DKK2: variants seen among roughly 807,000 people sequenced by gnomAD.
DKK2 encodes the protein dickkopf-related protein 2.
Under a neutral mutation model 28.1 loss-of-function variants are expected in DKK2, and 11 were observed. The observed-to-expected ratio is 0.39, with a 90% CI of 0.25 to 0.65. The LOEUF (loss-of-function observed/expected upper bound fraction) is 0.65, where lower values mean the gene tolerates loss of function less well. Among genes scored for constraint, DKK2 ranks in the 30% least tolerant of loss-of-function variants. The pLI is 0.47. For synonymous variants in DKK2, 135 were observed against 126.5 expected, an observed-to-expected ratio of 1.07 and a Z score of -0.45; for missense variants, 326 against 335.5, an observed-to-expected ratio of 0.97 and a Z score of 0.22.
At chr4:106,967,954 CAAA>C (rs1560582385) in intron 1 of DKK2, among the ~76,000 whole-genome samples, 1 of 144,618 alleles carries the variant, frequency 6.9e-6, no homozygotes, top group Non-Finnish European at 1.5e-5. Flanking sequence ...AGAGAGAAAA[CAAA>C]GAAAGAAAGG....
At chr4:106,962,383 A>G (rs1722698492) in intron 1 of DKK2, among the ~76,000 whole-genome samples, 1 of 152,146 alleles carries the variant, frequency 6.6e-6, no homozygotes, top group South Asian at 2.1e-4. Flanking sequence ...AGAATAGAGA[A>G]TACAGAAATA....
At chr4:106,966,496 A>G (rs1423919193) in intron 1 of DKK2, among the ~76,000 whole-genome samples, 2 of 152,146 alleles carry the variant, frequency 1.3e-5, no homozygotes, top group Admixed American at 1.3e-4. Flanking sequence ...TTTTATTTAA[A>G]TCTCATGTGT....
chr4:106,947,692 A>G (rs1235223289), intron 1 of DKK2, among the ~76,000 whole-genome samples: 1 of 133,530 alleles, frequency 7.5e-6, no homozygotes, highest in South Asian at 2.4e-4. Context: ...TTTTTTTTTT[A>G]GAGATGGATT....
chr4:107,009,003 C>T (rs530457415), intron 1 of DKK2, among the ~76,000 whole-genome samples: 1 of 151,906 alleles, frequency 6.6e-6, no homozygotes, highest in South Asian at 2.1e-4. Context: ...TTTTCATAAG[C>T]TGCCAAATAA....
At chr4:106,986,677 T>A (rs961316137) in intron 1 of DKK2, among the ~76,000 whole-genome samples, 2 of 152,132 alleles carry the variant, frequency 1.3e-5, no homozygotes, top group African/African-American at 4.8e-5. Context: ...CACACCATCA[T>A]CAATGAACTC....
intron 3 of DKK2, 83 bp from the exon 4 acceptor site, chr4:106,924,287 A>G: frequency 2.7e-6 from 4 of 1,508,874 alleles, no homozygotes; most frequent in Non-Finnish European, 3.6e-6. Flanking sequence ...CACATAAAAT[A>G]TTTTTACTTA....
At chr4:106,937,684 A>T (rs1271733069) in intron 1 of DKK2, among the ~76,000 whole-genome samples, 1 of 146,640 alleles carries the variant, frequency 6.8e-6, no homozygotes, top group Non-Finnish European at 1.5e-5. Context: ...GCACCACACC[A>T]CACCTATTCC....
At chr4:106,947,745 G>A (rs1047658147) in intron 1 of DKK2, among the ~76,000 whole-genome samples, 2 of 149,330 alleles carry the variant, frequency 1.3e-5, no homozygotes, top group African/African-American at 4.9e-5. Flanking sequence ...CATGATCATA[G>A]CTCACTGTGA....
chr4:106,992,078 G>A (rs1377636833), intron 1 of DKK2, among the ~76,000 whole-genome samples: 1 of 152,160 alleles, frequency 6.6e-6, no homozygotes, highest in Non-Finnish European at 1.5e-5. Flanking sequence ...CAGTAGGCTA[G>A]GAAACACCAA....
intron 1 of DKK2, among the ~76,000 whole-genome samples, chr4:106,995,851 T>C (rs1723264813): frequency 6.6e-6 from 1 of 152,178 alleles, no homozygotes; most frequent in South Asian, 2.1e-4. Flanking sequence ...GACCTCGTGA[T>C]CCACCCGCTT....
intron 1 of DKK2, among the ~76,000 whole-genome samples, chr4:107,015,847 T>G (rs1723594521): frequency 1.3e-5 from 2 of 151,744 alleles, no homozygotes; most frequent in African/African-American, 4.8e-5. Context: ...TGACCTGAAA[T>G]TTAGGCAAAA....
chr4:106,989,451 G>C (rs1723171608), intron 1 of DKK2, among the ~76,000 whole-genome samples: 1 of 152,174 alleles, frequency 6.6e-6, no homozygotes, highest in Non-Finnish European at 1.5e-5. Context: ...AGGTTATTGA[G>C]AGGGTTGAAT....
At position 107,013,691 on chromosome 4, in the gene DKK2, G is replaced by T. The variant is rs138627304; in HGVS notation, c.222+21679C>A. 3.2e-3 allele frequency among the ~76,000 whole-genome samples: 489 copies of T among 151,360 alleles called. 4 individuals carry two copies. The highest frequency in any genetic ancestry group is 0.011 in the African/African-American group (474 of 41,406). The stretch of plus-strand genomic sequence containing the variant: ...CAACAAAAGCAAAAATAGACACATG[G>T]GATTGCATCAAACTAAAAAGCTTCA... On this transcript the variant is annotated intron_variant, in intron 1 of 3. Transcript: ENST00000285311.
chr4:107,010,547 A>G (rs1401228571), intron 1 of DKK2, among the ~76,000 whole-genome samples: 1 of 151,618 alleles, frequency 6.6e-6, no homozygotes, highest in African/African-American at 2.4e-5. Flanking sequence ...GATTAGGAGA[A>G]TAAGTATGTG....
chr4:106,933,471 C>T (rs1434284966), intron 1 of DKK2, among the ~76,000 whole-genome samples: 3 of 152,194 alleles, frequency 2.0e-5, no homozygotes, highest in Non-Finnish European at 4.4e-5. Flanking sequence ...TAAAATAACA[C>T]ATAACACACA....
intron 1 of DKK2, among the ~76,000 whole-genome samples, chr4:106,945,443 ATAATAAT>A (rs1724761595): frequency 1.3e-5 from 2 of 152,132 alleles, no homozygotes. Flanking sequence ...TGGTTATATA[ATAATAAT>A]TAATAGTAAT....
At chr4:106,995,828 G>A (rs1723264492) in intron 1 of DKK2, among the ~76,000 whole-genome samples, 1 of 152,134 alleles carries the variant, frequency 6.6e-6, no homozygotes, top group Non-Finnish European at 1.5e-5. Context: ...AGCCAGGATG[G>A]TTTCAATCTC....
intron 1 of DKK2, among the ~76,000 whole-genome samples, chr4:106,928,553 A>G (rs1486673947): frequency 6.6e-6 from 1 of 152,178 alleles, no homozygotes; most frequent in East Asian, 1.9e-4. Context: ...AACAGTCTTT[A>G]TATATGAATA....
chr4:106,994,671 T>A (rs1292985762), intron 1 of DKK2, among the ~76,000 whole-genome samples: 2 of 152,226 alleles, frequency 1.3e-5, no homozygotes, highest in South Asian at 2.1e-4. Context: ...ATAACATAAC[T>A]GTGTAAGTAA....
Sources: gnomAD v4.1 joint callset for allele counts (sites outside exome capture counted in the v4.1 genomes callset) on GRCh38, gnomAD v4.1.1 for gene constraint, MANE v1.5 for transcripts, NCBI Gene and HGNC (gene_info 2026-07-23, HGNC 2026-07-21) for gene names.